The following KIAA1217 variants were observed in gnomAD, a reference collection of about 807,000 sequenced individuals.
The protein encoded by KIAA1217 is KIAA1217, also known as sickle tail protein homolog.
In KIAA1217, 88 loss-of-function variants were observed where a neutral mutation model predicts 163.9. The ratio of observed to expected loss-of-function variants is 0.54; its 90% CI spans 0.45 to 0.64. KIAA1217 has a LOEUF of 0.64. Ranked by LOEUF, KIAA1217 falls within the 30% of genes least tolerant of loss-of-function variation. The pLI is 0.00. For missense variants in KIAA1217, 2,372 were observed against 2,475.0 expected (o/e 0.96, Z 0.88); for synonymous variants, 903 against 923.1 (o/e 0.98, Z 0.39).
At chr10:24,289,769 G>A (rs938465263) in intron 2 of KIAA1217, among the ~76,000 whole-genome samples, 1 of 152,064 alleles carries the variant, frequency 6.6e-6, no homozygotes, top group African/African-American at 2.4e-5. Context: ...CACAGTGTGG[G>A]AACAGGAAAG....
intron 13 of KIAA1217, 88 bp from the exon 14 acceptor site, chr10:24,527,848 C>CCCACCCT (rs2072442480): frequency 5.0e-6 from 5 of 1,006,130 alleles, no homozygotes; most frequent in Non-Finnish European, 7.5e-6. Flanking sequence ...TCTCCTTCCT[C>CCCACCCT]CCACCCTCCA....
chr10:23,753,195 G>A (rs1369190216), intron 1 of KIAA1217, among the ~76,000 whole-genome samples: 1 of 152,200 alleles, frequency 6.6e-6, no homozygotes, highest in Non-Finnish European at 1.5e-5. Flanking sequence ...AACACAAATA[G>A]AGGGAAAACT....
chr10:24,120,918 T>C (rs1055723556), intron 2 of KIAA1217, among the ~76,000 whole-genome samples: 3 of 152,214 alleles, frequency 2.0e-5, no homozygotes, highest in Admixed American at 1.3e-4. Flanking sequence ...AAGTATTGAC[T>C]GACATCCTTT....
At chr10:23,754,146 A>T (rs1044702084) in intron 1 of KIAA1217, among the ~76,000 whole-genome samples, 10 of 152,198 alleles carry the variant, frequency 6.6e-5, no homozygotes, top group Non-Finnish European at 1.5e-5. Flanking sequence ...AATATAGTAC[A>T]GTGCCTGACA....
chr10:23,726,979 C>CTTTTTTTTTTTTTTTTTTTTTTTTTT (rs1012125050), intron 1 of KIAA1217, among the ~76,000 whole-genome samples: 1 of 93,416 alleles, frequency 1.1e-5, no homozygotes, highest in African/African-American at 4.8e-5. Flanking sequence ...GTATAGGCCT[C>CTTTTTTTTTTTTTTTTTTTTTTTTTT]TTTTTTTTTT....
chr10:24,374,543 A>G (rs2052180381), intron 2 of KIAA1217, among the ~76,000 whole-genome samples: 2 of 152,182 alleles, frequency 1.3e-5, no homozygotes. Flanking sequence ...CAAAATTGCA[A>G]GATCATAATA....
intron 3 of KIAA1217, among the ~76,000 whole-genome samples, chr10:24,421,233 G>GGACCTCAGGTGATCCACC (rs1564648706): frequency 2.0e-5 from 3 of 152,066 alleles, no homozygotes. Context: ...CTCAAGCTAC[G>GGACCTCAGGTGATCCACC]GACCTCAGGT....
At chr10:23,754,522 C>T (rs949808853) in intron 1 of KIAA1217, among the ~76,000 whole-genome samples, 7 of 152,186 alleles carry the variant, frequency 4.6e-5, no homozygotes, top group African/African-American at 1.4e-4. Context: ...TGATCTTTGA[C>T]GAATATTGTT....
chr10:24,270,370 T>C (rs2076657413), intron 2 of KIAA1217, among the ~76,000 whole-genome samples: 1 of 152,178 alleles, frequency 6.6e-6, no homozygotes, highest in Admixed American at 6.5e-5. Flanking sequence ...TCTTGGGCTG[T>C]TAGATAAAAT....
intron 3 of KIAA1217, among the ~76,000 whole-genome samples, chr10:24,402,523 C>CAAAAAAAAAAAAAAAA (rs1173653514): frequency 1.5e-4 from 11 of 70,980 alleles, no homozygotes; most frequent in African/African-American, 5.1e-4. Context: ...AAACAAAAAA[C>CAAAAAAAAAAAAAAAA]AAAACAAAAA....
intron 2 of KIAA1217, among the ~76,000 whole-genome samples, chr10:24,201,666 AC>A (rs2067260253): frequency 6.6e-6 from 1 of 152,136 alleles, no homozygotes; most frequent in East Asian, 1.9e-4. Flanking sequence ...TCTGCAAGGA[AC>A]AGAAGTCCCC....
intron 2 of KIAA1217, among the ~76,000 whole-genome samples, chr10:24,127,157 A>G (rs923251006): frequency 3.3e-5 from 5 of 152,182 alleles, no homozygotes; most frequent in African/African-American, 1.2e-4. Context: ...CTTTCCTGCT[A>G]GCTTCTGTCC....
chr10:24,380,841 C>T (rs2053203539), intron 2 of KIAA1217, 28 bp from the exon 3 acceptor site: 1 of 1,465,670 alleles, frequency 6.8e-7, no homozygotes, highest in African/African-American at 1.4e-5. Context: ...AGTCTATTTT[C>T]CCACTTTCTT....
chr10:24,417,591 A>G (rs936423327), intron 3 of KIAA1217, among the ~76,000 whole-genome samples: 1 of 152,176 alleles, frequency 6.6e-6, no homozygotes, highest in Non-Finnish European at 1.5e-5. Context: ...TAGAATTGCT[A>G]GGACAGGGAA....
At chr10:23,896,340 C>T (rs1841700445) in intron 1 of KIAA1217, among the ~76,000 whole-genome samples, 1 of 151,968 alleles carries the variant, frequency 6.6e-6, no homozygotes, top group African/African-American at 2.4e-5. Flanking sequence ...ATTTGTCACA[C>T]TTCTATTGGC....
intron 1 of KIAA1217, among the ~76,000 whole-genome samples, chr10:23,756,406 CA>C (rs1833921003): frequency 6.6e-6 from 1 of 152,014 alleles, no homozygotes; most frequent in South Asian, 2.1e-4. Flanking sequence ...ACAGTCTTTT[CA>C]AAAAAATAAC....
chr10:24,097,167 G>A (rs1407335505), intron 2 of KIAA1217, among the ~76,000 whole-genome samples: 1 of 152,130 alleles, frequency 6.6e-6, no homozygotes, highest in Non-Finnish European at 1.5e-5. Context: ...AATATAGCCT[G>A]GATTAGAATG....
intron 2 of KIAA1217, among the ~76,000 whole-genome samples, chr10:24,067,830 G>T (rs1287853166): frequency 6.6e-6 from 1 of 152,220 alleles, no homozygotes; most frequent in Non-Finnish European, 1.5e-5. Flanking sequence ...ACCTACTCAA[G>T]CCTGAGCAAT....
intron 1 of KIAA1217, among the ~76,000 whole-genome samples, chr10:23,719,772 G>T (rs906742552): frequency 6.6e-6 from 1 of 151,704 alleles, no homozygotes; most frequent in African/African-American, 2.4e-5. Flanking sequence ...CAAAAAATTA[G>T]CTGGGAGTAG....
Sources: gnomAD v4.1 joint callset for allele counts (sites outside exome capture counted in the v4.1 genomes callset) on GRCh38, gnomAD v4.1.1 for gene constraint, MANE v1.5 for transcripts, NCBI Gene and HGNC (gene_info 2026-07-23, HGNC 2026-07-21) for gene names.